Variants in LRP1B observed in about 807,000 individuals in gnomAD.
LRP1B encodes low-density lipoprotein receptor-related protein 1B.
A neutral mutation model predicts 556.6 loss-of-function variants in LRP1B; 217 were observed. That is an observed-to-expected ratio of 0.39 (90% CI 0.35 to 0.44). The LOEUF (loss-of-function observed/expected upper bound fraction) is 0.44, where lower values mean the gene tolerates loss of function less well. Ranked by LOEUF, LRP1B falls within the 20% of genes least tolerant of loss-of-function variation. LRP1B has a pLI of 1.00. For missense variants in LRP1B, 5,053 were observed against 5,620.8 expected, an observed-to-expected ratio of 0.90 and a Z score of 3.23; for synonymous variants, 2,047 against 1,865.8, an observed-to-expected ratio of 1.10 and a Z score of -2.50.
intron 2 of LRP1B, among the ~76,000 whole-genome samples, chr2:141,586,504 C>A (rs1687139731): frequency 6.6e-6 from 1 of 152,102 alleles, no homozygotes; most frequent in Non-Finnish European, 1.5e-5. Flanking sequence ...AGCAAGAAGG[C>A]AGTTTAATTT....
chr2:142,099,243 T>A (rs1362733172), intron 1 of LRP1B, among the ~76,000 whole-genome samples: 1 of 151,910 alleles, frequency 6.6e-6, no homozygotes, highest in East Asian at 1.9e-4. Flanking sequence ...CTGAGATATT[T>A]CAATATACAT....
chr2:140,839,242 TATC>T (rs780889958), intron 31 of LRP1B, among the ~76,000 whole-genome samples: 66 of 152,200 alleles, frequency 4.3e-4, no homozygotes, highest in Non-Finnish European at 9.4e-4. Context: ...TTGCAAAAAT[TATC>T]ATGTTAAAAA....
At chr2:141,765,122 G>T (rs12472879) in intron 2 of LRP1B, among the ~76,000 whole-genome samples, 17,328 of 130,130 alleles carry the variant, frequency 0.13, 1,070 homozygotes, top group Middle Eastern at 0.25. Context: ...AACAGGGAAA[G>T]AATTCGCAAG....
chr2:141,789,929 T>C (rs1695557491), intron 2 of LRP1B, among the ~76,000 whole-genome samples: 1 of 152,074 alleles, frequency 6.6e-6, no homozygotes, highest in South Asian at 2.1e-4. Context: ...TTAACCAGCG[T>C]CGATATGTTA....
intron 1 of LRP1B, among the ~76,000 whole-genome samples, chr2:141,904,013 G>A (rs760639685): frequency 1.3e-5 from 2 of 151,898 alleles, no homozygotes; most frequent in Non-Finnish European, 2.9e-5. Context: ...CAGAGAGCAC[G>A]AAGGGTAATG....
intron 2 of LRP1B, among the ~76,000 whole-genome samples, chr2:141,559,133 CA>C (rs1263410700): frequency 6.6e-6 from 1 of 151,398 alleles, no homozygotes; most frequent in African/African-American, 2.4e-5. Flanking sequence ...GAAGTTTGGC[CA>C]TTTTTTTAAA....
At chr2:140,517,709 C>CTTTTTTTTTCTTT in intron 49 of LRP1B, among the ~76,000 whole-genome samples, 1 of 125,442 alleles carries the variant, frequency 8.0e-6, no homozygotes. Context: ...TTTATCTTTC[C>CTTTTTTTTTCTTT]TTTTTTTTTT....
chr2:141,941,656 C>T (rs909674680), intron 1 of LRP1B, among the ~76,000 whole-genome samples: 2 of 152,048 alleles, frequency 1.3e-5, no homozygotes, highest in Admixed American at 6.6e-5. Context: ...CCTGGGAGCA[C>T]GTGGAACAGT....
At chr2:140,924,892 A>G (rs1304068639) in intron 20 of LRP1B, among the ~76,000 whole-genome samples, 4 of 152,108 alleles carry the variant, frequency 2.6e-5, no homozygotes, top group Non-Finnish European at 5.9e-5. Context: ...GCAATTTCCC[A>G]CCATATTTAT....
intron 3 of LRP1B, among the ~76,000 whole-genome samples, chr2:141,348,182 G>T (rs1242281395): frequency 6.6e-6 from 1 of 152,002 alleles, no homozygotes. Flanking sequence ...TTTTCCCGTT[G>T]TGTGGGTAAA....
At chr2:141,359,856 T>A (rs2105561790) in intron 3 of LRP1B, among the ~76,000 whole-genome samples, 1 of 140,722 alleles carries the variant, frequency 7.1e-6, no homozygotes, top group East Asian at 2.1e-4. Flanking sequence ...CACTTTCAAA[T>A]TAGCCAGAGA....
intron 2 of LRP1B, among the ~76,000 whole-genome samples, chr2:141,587,843 T>TA (rs1398533185): frequency 6.6e-6 from 1 of 152,150 alleles, no homozygotes; most frequent in Non-Finnish European, 1.5e-5. Context: ...ACAATACAAG[T>TA]AATGCACTAA....
chr2:140,877,280 T>G (rs541933818), intron 25 of LRP1B, among the ~76,000 whole-genome samples: 2 of 152,292 alleles, frequency 1.3e-5, no homozygotes, highest in South Asian at 2.1e-4. Flanking sequence ...ATTATTCTTT[T>G]GTTTGTTGTT....
At chr2:141,832,327 T>TCTCACACA (rs1257808394) in intron 1 of LRP1B, among the ~76,000 whole-genome samples, 2 of 143,864 alleles carry the variant, frequency 1.4e-5, no homozygotes, top group African/African-American at 5.2e-5. Context: ...TCTTTCTCTC[T>TCTCACACA]CACACACACA....
At chr2:141,213,664 C>T (rs1321212131) in intron 6 of LRP1B, among the ~76,000 whole-genome samples, 2 of 152,228 alleles carry the variant, frequency 1.3e-5, no homozygotes, top group Non-Finnish European at 2.9e-5. Flanking sequence ...AATGACACCA[C>T]ATTATCTGAG....
chr2:141,804,029 T>C (rs1236894743), intron 2 of LRP1B, among the ~76,000 whole-genome samples: 1 of 152,132 alleles, frequency 6.6e-6, no homozygotes, highest in Non-Finnish European at 1.5e-5. Context: ...CTCTTCCTAG[T>C]ACCCAAGAGA....
chr2:140,902,000 G>A (rs1297024147), intron 23 of LRP1B, among the ~76,000 whole-genome samples: 1 of 151,928 alleles, frequency 6.6e-6, no homozygotes, highest in African/African-American at 2.4e-5. Flanking sequence ...AGATATGTGC[G>A]GCAACTATAA....
At chr2:140,827,629 C>T (rs1056115892) in intron 31 of LRP1B, among the ~76,000 whole-genome samples, 2 of 151,758 alleles carry the variant, frequency 1.3e-5, no homozygotes, top group Non-Finnish European at 2.9e-5. Context: ...TAGGGAATAA[C>T]CTCAAAAGTG....
chr2:141,576,502 G>T (rs747531361), intron 2 of LRP1B, among the ~76,000 whole-genome samples: 1 of 152,070 alleles, frequency 6.6e-6, no homozygotes, highest in Non-Finnish European at 1.5e-5. Context: ...AGGTGCAGCA[G>T]ATCACCATGA....
Sources: allele counts gnomAD v4.1 joint callset (sites outside exome capture counted in the v4.1 genomes callset), GRCh38; gene constraint gnomAD v4.1.1; transcripts MANE v1.5; gene names NCBI Gene and HGNC (gene_info 2026-07-23, HGNC 2026-07-21).